The following TNRC6B variants were observed in gnomAD, a reference collection of about 807,000 sequenced individuals.
The protein encoded by TNRC6B is trinucleotide repeat-containing gene 6B protein.
TNRC6B carries 52 observed loss-of-function variants against 203.6 expected under a neutral mutation model. That is an observed-to-expected ratio of 0.26 (90% CI 0.20 to 0.32). The LOEUF (loss-of-function observed/expected upper bound fraction) is 0.32. Among genes scored for constraint, TNRC6B ranks in the 10% least tolerant of loss-of-function variants. The pLI, the probability that TNRC6B is intolerant of heterozygous loss-of-function variation, is 1.00. For synonymous variants in TNRC6B, 838 were observed against 845.7 expected, an observed-to-expected ratio of 0.99 and a Z score of 0.16; for missense variants, 1,923 against 2,286.2, an observed-to-expected ratio of 0.84 and a Z score of 3.24.
rs886323131 is a variant in TNRC6B at position 40,196,553 on chromosome 22, G to A, written c.5+18413G>A. ...TCAGGGTAGAAAAAACAGCTTATTT[G>A]TTCATTTCTTTCTCCTAGAATATTT... On this transcript the variant is annotated intron_variant, in intron 1 of 22. Coordinates refer to ENST00000454349, the MANE Select transcript of TNRC6B (RefSeq NM_001162501.2). Among the ~76,000 whole-genome samples the A allele has an allele frequency of 1.3e-5, 2 of 151,942 alleles. 1 individual carries two copies. Among genetic ancestry groups the A allele is most frequent in the Non-Finnish European group, 2.9e-5 (2 of 67,922 alleles).
Position 40,306,120 on chromosome 22 carries a change from G to A in TNRC6B, c.4121-2392G>A, listed in dbSNP as rs560762670. Among the ~76,000 whole-genome samples the A allele has an allele frequency of 9.2e-5, 14 of 151,924 alleles. No individual in the cohort carries two copies. In the South Asian group the frequency reaches 2.7e-3, roughly 29 times the overall value. The stretch of plus-strand genomic sequence containing the variant: ...ATCCTGGCTAACACGATGAAACCCC[G>A]TCTCTACTAAAAATACAAAAAAAAT... On this transcript the variant is annotated intron_variant, in intron 15 of 22. Coordinates refer to ENST00000454349, the MANE Select transcript of TNRC6B (RefSeq NM_001162501.2).
chr22:40,229,655 T>G (rs2069840405), intron 1 of TNRC6B, among the ~76,000 whole-genome samples: 1 of 152,222 alleles, frequency 6.6e-6, no homozygotes, highest in Non-Finnish European at 1.5e-5. Context: ...TGATGTGCTT[T>G]CTGTCACCAT....
At chr22:40,276,661 A>C (rs2070649072) in intron 7 of TNRC6B, among the ~76,000 whole-genome samples, 1 of 152,226 alleles carries the variant, frequency 6.6e-6, no homozygotes, top group East Asian at 1.9e-4. Context: ...TGCCCAGTTT[A>C]AATAGGCTCC....
intron 1 of TNRC6B, among the ~76,000 whole-genome samples, chr22:40,237,272 A>C (rs2069960876): frequency 6.6e-6 from 1 of 152,160 alleles, no homozygotes. Flanking sequence ...GAGTATTCCA[A>C]AGTGTGGTAG....
intron 2 of TNRC6B, among the ~76,000 whole-genome samples, chr22:40,122,384 A>G (rs2068454174): frequency 6.6e-6 from 1 of 151,704 alleles, no homozygotes; most frequent in Non-Finnish European, 1.5e-5. Context: ...GCTGTATTGG[A>G]GAATGTGACA....
intron 4 of TNRC6B, among the ~76,000 whole-genome samples, chr22:40,171,540 A>G (rs999194728): frequency 5.3e-5 from 8 of 152,166 alleles, no homozygotes; most frequent in Non-Finnish European, 1.2e-4. Flanking sequence ...TTTTGTGGTC[A>G]AAATTTTTTG....
chr22:40,284,987 G>GT (rs1181021154), intron 11 of TNRC6B, among the ~76,000 whole-genome samples: 5 of 152,210 alleles, frequency 3.3e-5, no homozygotes, highest in African/African-American at 1.2e-4. Context: ...AAAGGAGGGA[G>GT]TTCCGCTTAT....
At chr22:40,114,401 G>A (rs2068368924) in intron 1 of TNRC6B, among the ~76,000 whole-genome samples, 1 of 152,044 alleles carries the variant, frequency 6.6e-6, no homozygotes, top group Non-Finnish European at 1.5e-5. Flanking sequence ...GTTCACTGCA[G>A]CCTTGACCTC....
chr22:40,275,456 T>C (rs922170175), intron 7 of TNRC6B, among the ~76,000 whole-genome samples: 6 of 152,170 alleles, frequency 3.9e-5, no homozygotes, highest in African/African-American at 1.4e-4. Flanking sequence ...TTTTTAAAAA[T>C]TGTGATAAAA....
chr22:40,273,308 G>A, intron 6 of TNRC6B, 117 bp from the exon 7 acceptor site: 1 of 930,880 alleles, frequency 1.1e-6, no homozygotes, highest in South Asian at 2.0e-5. Context: ...GTCTTGCCAT[G>A]GAGATGGAGT....
At position 40,270,190 on chromosome 22, in the gene TNRC6B, A is replaced by G; in HGVS notation, c.2875A>G (p.Ser959Gly). Residue 959 changes from serine (S) to glycine (G), a missense_variant, in exon 6 of 23, where the codon AGT (serine) becomes GGT (glycine). By Grantham distance (56) the Ser-to-Gly change is moderately conservative (BLOSUM62 0). Around this residue, in one of 8 missense-constraint regions of TNRC6B, gnomAD observed 599 missense variants for 656.5 expected, o/e 0.91. Transcript: ENST00000454349. ...CGCTTGGGGTGAGCCAAATGAAAGC[A>G]GTCCTGGGTGGGGCGAGATGGATGA... Reference protein sequence around the residue: ...TSAWGEPNESSPGWGEMDDTG... With the variant: ...TSAWGEPNESGPGWGEMDDTG... 1 of 1,572,552 alleles carries G rather than the reference A, an allele frequency of 6.4e-7. No homozygotes were observed. The highest frequency in any genetic ancestry group is 8.6e-7 in the Non-Finnish European group (1 of 1,158,258).
chr22:40,276,318 G>T (rs1171699120), intron 7 of TNRC6B, among the ~76,000 whole-genome samples: 1 of 150,790 alleles, frequency 6.6e-6, no homozygotes, highest in Non-Finnish European at 1.5e-5. Flanking sequence ...CTGCACTCTA[G>T]CCTGGGTGAC....
At chr22:40,303,046 C>CTTTT (rs756951957) in intron 15 of TNRC6B, among the ~76,000 whole-genome samples, 23 of 90,066 alleles carry the variant, frequency 2.6e-4, no homozygotes, top group Non-Finnish European at 3.3e-4. Flanking sequence ...TCTTCTTCTT[C>CTTTT]TTTTTTTTTT....
rs2071453557 is a variant in TNRC6B, at chr22:40,330,480, G to A, written c.*7239G>A. On this transcript the variant is annotated 3_prime_UTR_variant, in exon 23 of 23. Coordinates refer to ENST00000454349, the MANE Select transcript of TNRC6B (RefSeq NM_001162501.2). ...GAGAGGAGGACAGTACATCCTATGT[G>A]TGTTCGCCAAAAATGGGAAAGGTGG... 6.6e-6 allele frequency: 1 copy of A among 152,244 alleles called. No homozygotes were observed. The highest frequency in any genetic ancestry group is 6.5e-5 in the Admixed American group (1 of 15,282). The allele number at this position is 152,244 out of a possible 1,614,324, so 9.4% of individuals were successfully genotyped here.
chr22:40,270,278 C>A lies in TNRC6B; in HGVS notation c.2963C>A (p.Pro988His). The A allele has an allele frequency of 7.1e-7, 1 of 1,413,772 alleles. No individual in the cohort carries two copies. Among genetic ancestry groups the A allele is most frequent in the South Asian group, 1.6e-5 (1 of 64,290 alleles). The allele number at this position is 1,413,772 out of a possible 1,614,324, so 87.6% of individuals were successfully genotyped here. A position where few individuals can be genotyped will look rare whatever the true frequency, so the allele number is the denominator to read the frequency against. Residue 988 changes from proline (P) to histidine (H), a missense_variant and splice_region_variant, in exon 6 of 23, where the codon CCT (proline) becomes CAT (histidine). Coordinates refer to ENST00000454349, the MANE Select transcript of TNRC6B (RefSeq NM_001162501.2). ...GCCAACGCTCCCAATGCCATGAAGC[C>A]TAGTAAGTGTGAAGCTTTTCATTTT... ...TPANAPNAMKPNSKSMQDGWG... is the reference protein window; with the variant it reads ...TPANAPNAMKHNSKSMQDGWG...
chr22:40,045,872 C>A (rs893148330), intron 1 of TNRC6B, among the ~76,000 whole-genome samples: 1 of 152,154 alleles, frequency 6.6e-6, no homozygotes, highest in Non-Finnish European at 1.5e-5. Flanking sequence ...AGGTTACCAG[C>A]CTGGGACTTT....
At chr22:40,154,873 A>G (rs1461862046) in intron 3 of TNRC6B, among the ~76,000 whole-genome samples, 2 of 47,634 alleles carry the variant, frequency 4.2e-5, no homozygotes, top group Non-Finnish European at 7.4e-5. Context: ...ATATATATAT[A>G]TATATATATA....
intron 12 of TNRC6B, among the ~76,000 whole-genome samples, chr22:40,286,821 G>A (rs970251149): frequency 1.3e-5 from 2 of 152,182 alleles, no homozygotes; most frequent in Non-Finnish European, 2.9e-5. Flanking sequence ...TGAGAAAGCA[G>A]GCGTGAGGAT....
intron 1 of TNRC6B, among the ~76,000 whole-genome samples, chr22:40,209,538 C>T (rs2069531473): frequency 6.6e-6 from 1 of 152,130 alleles, no homozygotes; most frequent in Admixed American, 6.5e-5. Flanking sequence ...GTAGTTCTGC[C>T]CCTGGCTTCC....
Sources: gnomAD v4.1 joint callset for allele counts (sites outside exome capture counted in the v4.1 genomes callset) on GRCh38, gnomAD v4.1.1 for gene constraint, gnomAD v4.1.1 regional missense constraint, MANE v1.5 for transcripts, NCBI Gene and HGNC (gene_info 2026-07-23, HGNC 2026-07-21) for gene names.